Variants in DMD observed in about 807,000 individuals in gnomAD.
DMD encodes the protein dystrophin, also known as mutant dystrophin.
Under a neutral mutation model 330.1 loss-of-function variants are expected in DMD, and 63 were observed. The ratio of observed to expected loss-of-function variants is 0.19; its 90% CI spans 0.16 to 0.24. The LOEUF (loss-of-function observed/expected upper bound fraction) is 0.24, where lower values mean the gene tolerates loss of function less well. Ranked by LOEUF, DMD falls within the 10% of genes least tolerant of loss-of-function variation. The pLI is 1.00. For missense variants in DMD, 3,344 were observed against 2,684.1 expected, an observed-to-expected ratio of 1.25 and a Z score of -5.43; for synonymous variants, 1,223 against 959.8, an observed-to-expected ratio of 1.27 and a Z score of -5.07.
At chrX:32,488,312 G>A (rs1037803498) in intron 20 of DMD, among the ~76,000 whole-genome samples, 4 of 111,076 alleles carry the variant, frequency 3.6e-5, no homozygotes, top group Non-Finnish European at 5.7e-5. Flanking sequence ...CTTATCTCAT[G>A]GAAGCTTTTG....
chrX:32,320,117 C>T (rs1755123231), intron 41 of DMD, among the ~76,000 whole-genome samples: 1 of 110,954 alleles, frequency 9.0e-6, no homozygotes, highest in African/African-American at 3.3e-5. Context: ...CCTCCTATAT[C>T]GCTTTTAACT....
At chrX:31,665,981 TCTTTA>T (rs1969049651) in intron 53 of DMD, among the ~76,000 whole-genome samples, 1 of 111,752 alleles carries the variant, frequency 8.9e-6, no homozygotes, top group African/African-American at 3.2e-5. Context: ...CTGGGCTCTC[TCTTTA>T]ATTTGCTGAC....
chrX:31,906,721 C>T (rs1736989705), intron 47 of DMD, among the ~76,000 whole-genome samples: 1 of 112,004 alleles, frequency 8.9e-6, no homozygotes, highest in African/African-American at 3.2e-5. Flanking sequence ...TAACATAAGT[C>T]ATCTAGTCTC....
At chrX:32,124,975 A>AG (rs1436153170) in intron 44 of DMD, among the ~76,000 whole-genome samples, 1 of 110,299 alleles carries the variant, frequency 9.1e-6, no homozygotes, top group East Asian at 2.8e-4. Flanking sequence ...AAAAAAAAAA[A>AG]AAAACAAAGT....
At chrX:31,536,132 A>G (rs956259553) in intron 55 of DMD, among the ~76,000 whole-genome samples, 6 of 111,839 alleles carry the variant, frequency 5.4e-5, no homozygotes, top group Non-Finnish European at 7.5e-5. Context: ...CTTGGCCTAT[A>G]ATATCTATTT....
intron 44 of DMD, among the ~76,000 whole-genome samples, chrX:32,013,503 A>G (rs949730919): frequency 1.8e-5 from 2 of 112,149 alleles, no homozygotes; most frequent in Non-Finnish European, 3.8e-5. Context: ...TAATAGGTGT[A>G]AGTTCTTAGG....
At chrX:32,615,265 C>A (rs2057474167) in intron 11 of DMD, among the ~76,000 whole-genome samples, 1 of 111,049 alleles carries the variant, frequency 9.0e-6, no homozygotes, top group Admixed American at 9.6e-5. Context: ...GTGCTTTTTC[C>A]CCACAAAGAT....
intron 7 of DMD, among the ~76,000 whole-genome samples, chrX:32,780,763 C>G (rs777767410): frequency 1.1e-4 from 12 of 109,386 alleles, no homozygotes; most frequent in African/African-American, 4.0e-4. Flanking sequence ...TATTAATGAC[C>G]CTCACACTTT....
At chrX:31,576,333 G>T (rs2076097044) in intron 55 of DMD, among the ~76,000 whole-genome samples, 1 of 111,432 alleles carries the variant, frequency 9.0e-6, no homozygotes, top group Non-Finnish European at 1.9e-5. Flanking sequence ...TCTAAATAAT[G>T]TTCAGTGTAG....
chrX:33,120,976 T>C (rs911739206), intron 1 of DMD, among the ~76,000 whole-genome samples: 6 of 109,533 alleles, frequency 5.5e-5, no homozygotes, highest in African/African-American at 2.0e-4. Flanking sequence ...AACCCTATTA[T>C]GTGAAGATTA....
chrX:31,376,044 C>T (rs1001577317), intron 60 of DMD, among the ~76,000 whole-genome samples: 4 of 111,503 alleles, frequency 3.6e-5, no homozygotes, highest in Non-Finnish European at 7.5e-5. Context: ...CTGGATATTA[C>T]GTCTCCGTAA....
intron 7 of DMD, among the ~76,000 whole-genome samples, chrX:32,708,824 C>T (rs987581154): frequency 4.5e-5 from 5 of 111,435 alleles, no homozygotes; most frequent in African/African-American, 9.8e-5. Flanking sequence ...ATATGTCATA[C>T]GCAACATCAG....
intron 4 of DMD, among the ~76,000 whole-genome samples, chrX:32,838,860 A>G (rs926428900): frequency 2.7e-5 from 3 of 111,890 alleles, no homozygotes; most frequent in South Asian, 3.7e-4. Context: ...TGTGGAAGAC[A>G]GTGTGGTGAT....
chrX:31,398,923 T>TGAGC (rs1283980189), intron 60 of DMD, among the ~76,000 whole-genome samples: 1 of 111,558 alleles, frequency 9.0e-6, no homozygotes, highest in Non-Finnish European at 1.9e-5. Context: ...GGAGCACAGG[T>TGAGC]GAGCAGGTGC....
intron 48 of DMD, among the ~76,000 whole-genome samples, chrX:31,853,282 C>T (rs2093562200): frequency 8.9e-6 from 1 of 112,656 alleles, no homozygotes; most frequent in African/African-American, 3.2e-5. Context: ...TCAAATTCTG[C>T]CAATGTGGCA....
At chrX:32,451,314 A>T (rs906910478) in intron 26 of DMD, among the ~76,000 whole-genome samples, 1 of 111,377 alleles carries the variant, frequency 9.0e-6, no homozygotes, top group Non-Finnish European at 1.9e-5. Flanking sequence ...TGTAGTGATT[A>T]TACAAATTTA....
chrX:31,378,600 TG>T (rs2060003686), intron 60 of DMD, among the ~76,000 whole-genome samples: 1 of 109,647 alleles, frequency 9.1e-6, no homozygotes, highest in Non-Finnish European at 1.9e-5. Context: ...ACGCCTGCCT[TG>T]GTCCTTCACC....
intron 2 of DMD, among the ~76,000 whole-genome samples, chrX:32,886,051 A>G (rs2084530385): frequency 9.0e-6 from 1 of 111,350 alleles, no homozygotes; most frequent in Non-Finnish European, 1.9e-5. Flanking sequence ...GTATAACAAC[A>G]TATGTAGATA....
chrX:31,242,153 G>T (rs940174042), intron 63 of DMD, among the ~76,000 whole-genome samples: 3 of 107,161 alleles, frequency 2.8e-5, no homozygotes, highest in Admixed American at 1.0e-4. Flanking sequence ...CTGCCTGGGG[G>T]GCTGAGGCAG....
Sources: gnomAD v4.1 joint callset for allele counts (sites outside exome capture counted in the v4.1 genomes callset) on GRCh38, gnomAD v4.1.1 for gene constraint, MANE v1.5 for transcripts, NCBI Gene and HGNC (gene_info 2026-07-23, HGNC 2026-07-21) for gene names.